The following SH3KBP1 variants were observed in gnomAD, a reference collection of about 807,000 sequenced individuals.
SH3KBP1 encodes SH3 domain containing kinase binding protein 1.
Under a neutral mutation model 50.1 loss-of-function variants are expected in SH3KBP1, and 8 were observed. The observed-to-expected ratio is 0.16, with a 90% CI of 0.09 to 0.29. The LOEUF is 0.29. SH3KBP1 is among the 10% of genes least tolerant of loss of function. The probability of loss-of-function intolerance (pLI) is 1.00; values close to 1 mark genes in which losing one functional copy is unlikely to be tolerated. For synonymous variants in SH3KBP1, 227 were observed against 218.6 expected (o/e 1.04, Z -0.34); for missense variants, 377 against 535.2 (o/e 0.70, Z 2.92).
chrX:19,799,346 T>C (rs2066826077), intron 2 of SH3KBP1, among the ~76,000 whole-genome samples: 1 of 111,365 alleles, frequency 9.0e-6, no homozygotes, highest in Admixed American at 9.5e-5. Context: ...CCAAACCAGA[T>C]GACAGAGCTA....
At chrX:19,798,061 G>A (rs777279378) in intron 2 of SH3KBP1, among the ~76,000 whole-genome samples, 7 of 110,766 alleles carry the variant, frequency 6.3e-5, no homozygotes, top group African/African-American at 1.6e-4. Context: ...ATGACTGCTC[G>A]GCAGTTTTCA....
intron 12 of SH3KBP1, among the ~76,000 whole-genome samples, chrX:19,569,667 G>T (rs1247699620): frequency 8.9e-6 from 1 of 112,106 alleles, no homozygotes; most frequent in African/African-American, 3.2e-5. Context: ...AAGGCACAAG[G>T]TGTCGAGTTG....
At chrX:19,779,434 T>C (rs2066090500) in intron 2 of SH3KBP1, among the ~76,000 whole-genome samples, 1 of 109,710 alleles carries the variant, frequency 9.1e-6, no homozygotes, top group Non-Finnish European at 1.9e-5. Flanking sequence ...ACTTTATTTT[T>C]TTTTTATTAT....
chrX:19,768,723 T>A (rs983177413), intron 2 of SH3KBP1, among the ~76,000 whole-genome samples: 4 of 109,071 alleles, frequency 3.7e-5, no homozygotes, highest in African/African-American at 1.3e-4. Context: ...TCAGTCAAAA[T>A]TTTCCAAGAC....
intron 3 of SH3KBP1, among the ~76,000 whole-genome samples, chrX:19,743,767 G>C (rs2064839611): frequency 8.9e-6 from 1 of 112,479 alleles, no homozygotes; most frequent in Admixed American, 9.4e-5. Flanking sequence ...TCTTCAGCTA[G>C]GACTATCTCA....
At chrX:19,799,498 G>T in intron 2 of SH3KBP1, 1 of 601,403 alleles carries the variant, frequency 1.7e-6, no homozygotes, top group Non-Finnish European at 2.8e-6. Context: ...AAACAGTGTT[G>T]GTCACCATCT....
chrX:19,654,662 A>G (rs1301552375), intron 6 of SH3KBP1, among the ~76,000 whole-genome samples: 1 of 112,242 alleles, frequency 8.9e-6, no homozygotes, highest in Admixed American at 9.5e-5. Flanking sequence ...TTCTGTTGTT[A>G]TGACAGATAA....
At chrX:19,780,437 T>C (rs1192980445) in intron 2 of SH3KBP1, among the ~76,000 whole-genome samples, 1 of 93,301 alleles carries the variant, frequency 1.1e-5, no homozygotes, top group Non-Finnish European at 2.1e-5. Context: ...GCAGAAGCTC[T>C]TTAGTTTAAT....
At chrX:19,775,748 C>T (rs2065952781) in intron 2 of SH3KBP1, among the ~76,000 whole-genome samples, 1 of 111,611 alleles carries the variant, frequency 9.0e-6, no homozygotes, top group South Asian at 3.7e-4. Flanking sequence ...TACCCCTATT[C>T]ATGCTTCTTA....
chrX:19,873,286 ATATG>A (rs1331691387), intron 1 of SH3KBP1, among the ~76,000 whole-genome samples: 3 of 91,827 alleles, frequency 3.3e-5, no homozygotes, highest in African/African-American at 1.4e-4. Flanking sequence ...ATATATATAT[ATATG>A]TATATATATA....
intron 2 of SH3KBP1, among the ~76,000 whole-genome samples, chrX:19,802,220 C>T (rs992513279): frequency 1.8e-5 from 2 of 110,689 alleles, no homozygotes; most frequent in Non-Finnish European, 3.8e-5. Flanking sequence ...CAAGGAAACC[C>T]GGTCTCTACC....
At chrX:19,782,075 G>C (rs183790007) in intron 2 of SH3KBP1, among the ~76,000 whole-genome samples, 201 of 111,649 alleles carry the variant, frequency 1.8e-3, no homozygotes, top group Middle Eastern at 4.6e-3. Context: ...TTTGGGGAAA[G>C]GGTCCTTGCT....
At position 19,578,080 on chromosome X, in the gene SH3KBP1, G is replaced by C. The variant is rs749629928; in HGVS notation, c.1299-8892C>G. Among the ~76,000 whole-genome samples, 7 of 112,309 alleles carry C rather than the reference G, an allele frequency of 6.2e-5. No homozygotes were observed. In the South Asian group the frequency reaches 2.2e-3, roughly 35 times the overall value. On this transcript the variant is annotated intron_variant, in intron 12 of 17. Coordinates refer to ENST00000397821, the MANE Select transcript of SH3KBP1 (RefSeq NM_031892.3). ...ATCACTTTTCATTGCATTGGGAACA[G>C]ATGATAATGGATGTCAAATGTGCAG...
At chrX:19,880,596 C>G (rs2069403324) in intron 1 of SH3KBP1, among the ~76,000 whole-genome samples, 1 of 112,536 alleles carries the variant, frequency 8.9e-6, no homozygotes. Flanking sequence ...GGAGCAGGCT[C>G]CCACAGATGC....
intron 2 of SH3KBP1, among the ~76,000 whole-genome samples, chrX:19,809,054 G>A (rs1468913027): frequency 1.8e-5 from 2 of 111,667 alleles, no homozygotes; most frequent in Admixed American, 1.9e-4. Context: ...AAATTAAGTT[G>A]TAGGTGGCCA....
At chrX:19,707,206 A>G (rs113856322) in intron 3 of SH3KBP1, 69,751 of 497,774 alleles carry the variant, frequency 0.14, 3,913 homozygotes, top group African/African-American at 0.18. Context: ...AAAGGCATGG[A>G]TATGAGAAAC....
chrX:19,705,240 T>A (rs746812411), intron 4 of SH3KBP1, among the ~76,000 whole-genome samples: 1 of 112,530 alleles, frequency 8.9e-6, no homozygotes, highest in East Asian at 2.8e-4. Flanking sequence ...ATTGTTATAA[T>A]AGCTTCCTAA....
intron 1 of SH3KBP1, among the ~76,000 whole-genome samples, chrX:19,866,947 T>G (rs1014719350): frequency 1.7e-4 from 19 of 110,439 alleles, no homozygotes; most frequent in African/African-American, 6.0e-4. Flanking sequence ...GCTGGCTTTC[T>G]CGGTCGCCTC....
At chrX:19,668,971 T>C (rs1204681399) in intron 6 of SH3KBP1, among the ~76,000 whole-genome samples, 1 of 55,947 alleles carries the variant, frequency 1.8e-5, no homozygotes, top group Non-Finnish European at 3.2e-5. Context: ...TATATATATA[T>C]ATATTTTTTG....
Sources: allele counts gnomAD v4.1 joint callset (sites outside exome capture counted in the v4.1 genomes callset), GRCh38; gene constraint gnomAD v4.1.1; transcripts MANE v1.5; gene names NCBI Gene and HGNC (gene_info 2026-07-23, HGNC 2026-07-21).